PPTC7: variants seen among roughly 807,000 people sequenced by gnomAD.
PPTC7 encodes the protein protein phosphatase targeting COQ7, also known as protein phosphatase PTC7 homolog.
A neutral mutation model predicts 30.8 loss-of-function variants in PPTC7; 6 were observed. The observed-to-expected ratio is 0.19, with a 90% CI of 0.11 to 0.38. The LOEUF (loss-of-function observed/expected upper bound fraction) is 0.38. PPTC7 is among the 10% of genes least tolerant of loss of function. The pLI is 1.00. For synonymous variants in PPTC7, 163 were observed against 168.1 expected, an observed-to-expected ratio of 0.97 and a Z score of 0.23; for missense variants, 218 against 404.8, an observed-to-expected ratio of 0.54 and a Z score of 3.96.
chr12:110,541,884 C>T (rs2064263199), intron 3 of PPTC7, among the ~76,000 whole-genome samples: 1 of 150,362 alleles, frequency 6.7e-6, no homozygotes, highest in Non-Finnish European at 1.5e-5. Flanking sequence ...GGTGGCTCAC[C>T]CCTGTAATCC....
At chr12:110,553,055 C>T (rs1030573288) in intron 1 of PPTC7, among the ~76,000 whole-genome samples, 1 of 151,908 alleles carries the variant, frequency 6.6e-6, no homozygotes, top group African/African-American at 2.4e-5. Context: ...TGGTGGCAGG[C>T]AACTGAAATC....
intron 1 of PPTC7, among the ~76,000 whole-genome samples, chr12:110,560,409 A>AT (rs1345389931): frequency 6.7e-6 from 1 of 148,918 alleles, no homozygotes; most frequent in African/African-American, 2.4e-5. Context: ...CTCAAAAAAT[A>AT]AAAAATAAAA....
rs1358490597 is a variant in PPTC7, at chr12:110,534,013, C to T, written c.*3024G>A. ...GATTCTTTTGTGATTTAGTACCCAA[C>T]AACCATGTCAAGCAAGTACAGTAAC... On this transcript the variant is annotated 3_prime_UTR_variant, in exon 6 of 6. Coordinates refer to ENST00000354300, the MANE Select transcript of PPTC7 (RefSeq NM_139283.2). The T allele has an allele frequency of 6.6e-6, 1 of 152,156 alleles. No homozygotes were observed. Among genetic ancestry groups the T allele is most frequent in the Non-Finnish European group, 1.5e-5 (1 of 68,030 alleles). The allele number at this position is 152,156 out of a possible 1,614,324, so 9.4% of individuals were successfully genotyped here.
intron 1 of PPTC7, among the ~76,000 whole-genome samples, chr12:110,571,046 C>A (rs974211908): frequency 6.6e-6 from 1 of 152,244 alleles, no homozygotes; most frequent in Non-Finnish European, 1.5e-5. Flanking sequence ...GGTGAAGGTA[C>A]GCTCGAGCGT....
intron 3 of PPTC7, among the ~76,000 whole-genome samples, chr12:110,541,295 T>C (rs1354238466): frequency 6.6e-6 from 1 of 151,136 alleles, no homozygotes; most frequent in African/African-American, 2.4e-5. Flanking sequence ...GGCAGGAGAA[T>C]TGCTTGAACC....
intron 3 of PPTC7, among the ~76,000 whole-genome samples, chr12:110,544,606 C>T (rs761958394): frequency 1.1e-4 from 16 of 152,250 alleles, no homozygotes; most frequent in Non-Finnish European, 2.2e-4. Context: ...GAGGCCGAGG[C>T]GGGTGGATCA....
At position 110,533,665 on chromosome 12, in the gene PPTC7, C is replaced by G. The variant is rs2064191020; in HGVS notation, c.*3372G>C. ...TTTCCAGAGAAACTGAATGCTGTAG[C>G]TTCTACCAAAGATAGCTGGTATTAA... On this transcript the variant is annotated 3_prime_UTR_variant, in exon 6 of 6. Coordinates refer to ENST00000354300, the MANE Select transcript of PPTC7 (RefSeq NM_139283.2). The G allele has an allele frequency of 6.6e-6, 1 of 152,180 alleles. No homozygotes were observed. The highest frequency in any genetic ancestry group is 2.1e-4 in the South Asian group (1 of 4,832). 9.4% of individuals were successfully genotyped at this position (152,180 alleles called of 1,614,324 possible).
rs769632671 is a variant in PPTC7 at position 110,534,599 on chromosome 12, C to CG, written c.*2437dup. On this transcript the variant is annotated 3_prime_UTR_variant, in exon 6 of 6. Transcript: ENST00000354300. ...TAAGCAGCACTCCAGCTGACCCCCCCGGCAGTCATAAAATTAAGTGCATAA... is the reference window on the plus strand; with the variant it reads ...TAAGCAGCACTCCAGCTGACCCCCCCGGGCAGTCATAAAATTAAGTGCATAA... 3 of 151,970 alleles carry CG rather than the reference C, an allele frequency of 2.0e-5. No homozygotes were observed. The highest frequency in any genetic ancestry group is 7.2e-5 in the African/African-American group (3 of 41,412). 9.4% of individuals were successfully genotyped at this position (151,970 alleles called of 1,614,324 possible). A position where few individuals can be genotyped will look rare whatever the true frequency, so the allele number is the denominator to read the frequency against.
chr12:110,539,706 G>C (rs2064242348), intron 4 of PPTC7, 116 bp downstream of exon 4: 1 of 987,184 alleles, frequency 1.0e-6, no homozygotes, highest in Non-Finnish European at 1.5e-6. Context: ...TTATTTTCCT[G>C]AAATTCACAA....
At position 110,539,959 on chromosome 12, in the gene PPTC7, AG is replaced by A; in HGVS notation, c.603-15del. On this transcript the variant is annotated splice_polypyrimidine_tract_variant and intron_variant, in intron 3 of 5. Coordinates refer to ENST00000354300, the MANE Select transcript of PPTC7 (RefSeq NM_139283.2). ...GCAGCATCCGGACTGTGGCAAGGAC[AG>A]GGGAGGGACAAAGTTAAGAAGGCCC... The A allele has an allele frequency of 6.2e-7, 1 of 1,612,340 alleles. No individual in the cohort carries two copies. The highest frequency in any genetic ancestry group is 8.5e-7 in the Non-Finnish European group (1 of 1,179,186).
intron 1 of PPTC7, among the ~76,000 whole-genome samples, chr12:110,576,092 A>G (rs1413568901): frequency 6.6e-6 from 1 of 152,096 alleles, no homozygotes; most frequent in South Asian, 2.1e-4. Flanking sequence ...AAACCCTGCT[A>G]TTTCATTAGT....
rs148234162 is a variant in PPTC7, at chr12:110,567,481, A to G, written c.223+15328T>C. On this transcript the variant is annotated intron_variant, in intron 1 of 5. Coordinates refer to ENST00000354300, the MANE Select transcript of PPTC7 (RefSeq NM_139283.2). ...TTAATGGCAGCCCAGCTACCCATAC[A>G]TACTTCCAGGCTTAGAACCCTTAAG... is the stretch of plus-strand genomic sequence containing the variant. Among the ~76,000 whole-genome samples, 1,349 of 152,284 alleles carry G rather than the reference A, an allele frequency of 8.9e-3. 12 individuals are homozygous for G. The highest frequency in any genetic ancestry group is 9.3e-3 in the Non-Finnish European group (630 of 68,010).
intron 1 of PPTC7, among the ~76,000 whole-genome samples, chr12:110,580,805 G>A (rs770420051): frequency 2.0e-5 from 3 of 151,830 alleles, no homozygotes; most frequent in Non-Finnish European, 4.4e-5. Context: ...AGTCTGGAGT[G>A]CAGTGGCACG....
At chr12:110,541,718 AAAAG>A (rs1354121151) in intron 3 of PPTC7, among the ~76,000 whole-genome samples, 2 of 151,938 alleles carry the variant, frequency 1.3e-5, no homozygotes, top group Non-Finnish European at 2.9e-5. Context: ...AAAAAAAAAA[AAAAG>A]AATACATTCA....
chr12:110,556,093 C>T (rs190261905), intron 1 of PPTC7, among the ~76,000 whole-genome samples: 2 of 152,310 alleles, frequency 1.3e-5, no homozygotes, highest in Non-Finnish European at 2.9e-5. Context: ...AGAGTTGATC[C>T]TCGATCCTCG....
At chr12:110,568,136 A>C (rs1200680439) in intron 1 of PPTC7, among the ~76,000 whole-genome samples, 1 of 151,936 alleles carries the variant, frequency 6.6e-6, no homozygotes, top group Non-Finnish European at 1.5e-5. Context: ...AGTTTTGGGG[A>C]TCTACTTTGC....
chr12:110,536,921 TACATC>T lies in PPTC7; in HGVS notation c.*111_*115del, dbSNP rs960079374. 2.4e-4 allele frequency: 182 copies of T among 743,396 alleles called. No individual in the cohort carries two copies. In the African/African-American group the frequency reaches 2.7e-3, roughly 11 times the overall value. 46.0% of individuals were successfully genotyped at this position (743,396 alleles called of 1,614,324 possible). On this transcript the variant is annotated 3_prime_UTR_variant, in exon 6 of 6. Transcript: ENST00000354300. ...GTCTCAAGAAGACAGGCAAAAGACT[TACATC>T]ACTGGCCATTGAGATCAGTGGCAAA...
chr12:110,566,903 G>A (rs1168083297), intron 1 of PPTC7, among the ~76,000 whole-genome samples: 1 of 152,154 alleles, frequency 6.6e-6, no homozygotes, highest in African/African-American at 2.4e-5. Flanking sequence ...GGATTTACCT[G>A]CACTTTGAAA....
intron 1 of PPTC7, among the ~76,000 whole-genome samples, chr12:110,566,125 C>G (rs1488787366): frequency 6.6e-6 from 1 of 150,736 alleles, no homozygotes; most frequent in African/African-American, 2.5e-5. Context: ...CACCATTAAT[C>G]AGCGCAAACA....
Sources: gnomAD v4.1 joint callset for allele counts (sites outside exome capture counted in the v4.1 genomes callset) on GRCh38, gnomAD v4.1.1 for gene constraint, MANE v1.5 for transcripts, NCBI Gene and HGNC (gene_info 2026-07-23, HGNC 2026-07-21) for gene names.